Variants in COL5A2 observed in about 807,000 individuals in gnomAD.
The protein encoded by COL5A2 is collagen type V alpha 2 chain.
COL5A2 carries 23 observed loss-of-function variants against 208.2 expected under a neutral mutation model. The observed-to-expected ratio is 0.11, with a 90% CI of 0.08 to 0.16. The LOEUF (loss-of-function observed/expected upper bound fraction) is 0.16. Among genes scored for constraint, COL5A2 ranks in the 10% least tolerant of loss-of-function variants. The probability of loss-of-function intolerance (pLI) is 1.00; values close to 1 mark genes in which losing one functional copy is unlikely to be tolerated. For synonymous variants in COL5A2, 625 were observed against 628.5 expected, an observed-to-expected ratio of 0.99 and a Z score of 0.08; for missense variants, 1,590 against 1,956.4, an observed-to-expected ratio of 0.81 and a Z score of 3.53.
the COL5A2 span, among the ~76,000 whole-genome samples, chr2:189,352,860 G>C: frequency 6.6e-6 from 1 of 152,124 alleles, no homozygotes; most frequent in Non-Finnish European, 1.5e-5. Flanking sequence ...TGAAGTCTTT[G>C]CCCACGGCTA....
intron 1 of COL5A2, among the ~76,000 whole-genome samples, chr2:189,164,982 A>G (rs938923887): frequency 9.9e-5 from 15 of 152,218 alleles, no homozygotes; most frequent in Non-Finnish European, 2.2e-4. Context: ...CATCCCTCAC[A>G]AAAATACTGC....
the COL5A2 span, among the ~76,000 whole-genome samples, chr2:189,319,655 C>T: frequency 6.6e-6 from 1 of 152,232 alleles, no homozygotes; most frequent in Admixed American, 6.5e-5. Context: ...AGTAGGTAAA[C>T]AAAGCGACCA....
At chr2:189,419,048 G>C in the COL5A2 span, among the ~76,000 whole-genome samples, 4 of 152,234 alleles carry the variant, frequency 2.6e-5, no homozygotes, top group South Asian at 8.3e-4. Context: ...TCAATACACA[G>C]AGCCCATCAG....
At position 189,045,212 on chromosome 2, in the gene COL5A2, T is replaced by C. The variant is rs928228342; in HGVS notation, c.3330A>G (p.Gly1110=). The C allele has an allele frequency of 2.5e-6, 4 of 1,608,358 alleles. No individual in the cohort carries two copies. The African/African-American group carries it at 4.0e-5, about 16-fold the overall frequency. Residue 1110 remains glycine, a synonymous_variant, in exon 47 of 54, where the codon GGA becomes GGG. Coordinates refer to ENST00000374866, the MANE Select transcript of COL5A2 (RefSeq NM_000393.5). The stretch of plus-strand genomic sequence containing the variant: ...CACGTTTCCCAGCTCGACCAGGTGG[T>C]CCTATAGGACCCCGAGAACCCTAAA... ...RGDPGSRGPI[G]PPGRAGKRGL... is the part of the protein sequence containing the mutation.
intron 12 of COL5A2, among the ~76,000 whole-genome samples, chr2:189,083,558 A>C (rs1686584093): frequency 6.6e-6 from 1 of 152,164 alleles, no homozygotes; most frequent in South Asian, 2.1e-4. Flanking sequence ...CTTTTCTTCA[A>C]GCTATTATTT....
intron 16 of COL5A2, among the ~76,000 whole-genome samples, chr2:189,076,727 G>T (rs888274109): frequency 6.6e-6 from 1 of 152,130 alleles, no homozygotes; most frequent in African/African-American, 2.4e-5. Flanking sequence ...CACAGTCAGG[G>T]TCCTGGATTG....
At chr2:189,237,304 C>A in the COL5A2 span, among the ~76,000 whole-genome samples, 2 of 151,074 alleles carry the variant, frequency 1.3e-5, no homozygotes, top group Admixed American at 6.6e-5. Flanking sequence ...CCATTTTATT[C>A]TTTTATTGTT....
rs1416779157 is a variant in COL5A2 at position 189,053,886 on chromosome 2, G to C, written c.2499+9C>G. 8 of 1,611,808 alleles carry C rather than the reference G, an allele frequency of 5.0e-6. No homozygotes were observed. The highest frequency in any genetic ancestry group is 5.9e-6 in the Non-Finnish European group (7 of 1,178,156). On this transcript the variant is annotated intron_variant, in intron 37 of 53. Coordinates refer to ENST00000374866, the MANE Select transcript of COL5A2 (RefSeq NM_000393.5). ...TCACACTAAAGAACACCAAAATACT[G>C]TCACTTACAGGATTGCCCCGGGAGC...
At chr2:189,296,429 A>T in the COL5A2 span, among the ~76,000 whole-genome samples, 2 of 152,128 alleles carry the variant, frequency 1.3e-5, no homozygotes, top group Non-Finnish European at 1.5e-5. Context: ...CTATGTCTGT[A>T]GGTCTGTTTC....
Position 189,054,158 on chromosome 2 carries a change from C to A in COL5A2, c.2445+1G>T. The A allele has an allele frequency of 6.2e-7, 1 of 1,613,792 alleles. No homozygotes were observed. Among genetic ancestry groups the A allele is most frequent in the Non-Finnish European group, 8.5e-7 (1 of 1,179,712 alleles). On this transcript the variant is annotated splice_donor_variant, in intron 36 of 53. Transcript: ENST00000374866. LOFTEE classifies it high-confidence loss of function. ...GTACAAATTAACAACTTGTGACTTACCTTTTCTCCAGTAGGACCTGCCGGA... is the reference window on the plus strand; with the variant it reads ...GTACAAATTAACAACTTGTGACTTAACTTTTCTCCAGTAGGACCTGCCGGA...
the COL5A2 span, among the ~76,000 whole-genome samples, chr2:189,313,457 A>T: frequency 6.6e-6 from 1 of 152,344 alleles, no homozygotes; most frequent in African/African-American, 2.4e-5. Flanking sequence ...AAATATGAAA[A>T]GTAAAGACCA....
rs551614674 is a variant in COL5A2, at chr2:189,064,132, G to A, written c.1717-99C>T. 17 of 910,254 alleles carry A rather than the reference G, an allele frequency of 1.9e-5. No individual in the cohort carries two copies. In the South Asian group the frequency reaches 2.5e-4, roughly 13 times the overall value. The allele number at this position is 910,254 out of a possible 1,614,324, so 56.4% of individuals were successfully genotyped here. A position where few individuals can be genotyped will look rare whatever the true frequency, so the allele number is the denominator to read the frequency against. On this transcript the variant is annotated intron_variant, in intron 25 of 53. Coordinates refer to ENST00000374866, the MANE Select transcript of COL5A2 (RefSeq NM_000393.5). ...GTGTTGCATTTTTGTCAACTGAATA[G>A]AATGACATTTCTGTAAATCAAATAA...
chr2:189,080,153 T>G (rs1412772718), intron 13 of COL5A2, 122 bp from the exon 14 acceptor site: 3 of 741,836 alleles, frequency 4.0e-6, no homozygotes, highest in Non-Finnish European at 4.6e-6. Context: ...TTAAAGTTGT[T>G]GCTCAAAATA....
upstream of COL5A2, among the ~76,000 whole-genome samples, chr2:189,227,889 C>T (rs1485922589): frequency 6.6e-6 from 1 of 151,928 alleles, no homozygotes; most frequent in Admixed American, 6.6e-5. Context: ...GCAACAGACA[C>T]AGAATATGCA....
chr2:189,124,650 A>C (rs1687574140), intron 1 of COL5A2, among the ~76,000 whole-genome samples: 1 of 152,136 alleles, frequency 6.6e-6, no homozygotes, highest in Non-Finnish European at 1.5e-5. Flanking sequence ...TGCTTTTTAA[A>C]TTACATTACA....
At chr2:189,385,538 G>T in the COL5A2 span, among the ~76,000 whole-genome samples, 3 of 151,722 alleles carry the variant, frequency 2.0e-5, no homozygotes, top group African/African-American at 7.3e-5. Context: ...CATTAAAATT[G>T]CCATACTCCA....
chr2:189,286,846 CA>C, the COL5A2 span, among the ~76,000 whole-genome samples: 1 of 152,014 alleles, frequency 6.6e-6, no homozygotes, highest in Non-Finnish European at 1.5e-5. Flanking sequence ...AATATTCTAA[CA>C]TAGGAAATAA....
At position 189,079,967 on chromosome 2, in the gene COL5A2, T is replaced by C. The variant is rs1485379598; in HGVS notation, c.960+11A>G. 5.0e-6 allele frequency: 8 copies of C among 1,609,490 alleles called. No homozygotes were observed. The highest frequency in any genetic ancestry group is 6.8e-6 in the Non-Finnish European group (8 of 1,176,058). On this transcript the variant is annotated intron_variant, in intron 14 of 53. Transcript: ENST00000374866. ...CAAAGTGAGGTTACAGTGAGATAATTATAAGATTACCTTGGAACCAGGTGC... is the reference window on the plus strand; with the variant it reads ...CAAAGTGAGGTTACAGTGAGATAATCATAAGATTACCTTGGAACCAGGTGC...
chr2:189,070,230 T>C (rs1473826522), intron 18 of COL5A2, among the ~76,000 whole-genome samples: 1 of 152,242 alleles, frequency 6.6e-6, no homozygotes, highest in Non-Finnish European at 1.5e-5. Flanking sequence ...ATCTGGCTTA[T>C]TATGTACCTA....
Sources: gnomAD v4.1 joint callset for allele counts (sites outside exome capture counted in the v4.1 genomes callset) on GRCh38, gnomAD v4.1.1 for gene constraint, MANE v1.5 for transcripts, NCBI Gene and HGNC (gene_info 2026-07-23, HGNC 2026-07-21) for gene names.